Variants in SNAP47 observed in about 807,000 individuals in gnomAD.
SNAP47 encodes synaptosomal-associated protein 47.
SNAP47 carries 20 observed loss-of-function variants against 31.4 expected under a neutral mutation model. The ratio of observed to expected loss-of-function variants is 0.64; its 90% CI spans 0.45 to 0.93. The LOEUF is 0.93. SNAP47 is among the 40% of genes least tolerant of loss of function. SNAP47 has a pLI of 0.00. For missense variants in SNAP47, 492 were observed against 528.5 expected, an observed-to-expected ratio of 0.93 and a Z score of 0.68; for synonymous variants, 194 against 213.4, an observed-to-expected ratio of 0.91 and a Z score of 0.79.
intron 1 of SNAP47, among the ~76,000 whole-genome samples, chr1:227,739,077 G>A (rs150702686): frequency 2.0e-4 from 31 of 152,148 alleles, no homozygotes; most frequent in African/African-American, 7.2e-4. Context: ...GTGTCACCCA[G>A]AGCCCGCTAG....
At position 227,763,910 on chromosome 1, in the gene SNAP47, G is replaced by T. The variant is rs1663223607; in HGVS notation, c.989-3049G>T. ...GTGCAGGCAGCCCCTCCTCAGCACT[G>T]GCAGTGAAGACAGAGCTGTGTCTTG... On this transcript the variant is annotated intron_variant, in intron 3 of 4. Transcript: ENST00000617596. The surrounding 1 kb of genome is among the most constrained non-coding windows in gnomAD (Gnocchi z 4.2). Among the ~76,000 whole-genome samples the T allele has an allele frequency of 6.6e-6, 1 of 152,192 alleles. No individual in the cohort carries two copies. Among genetic ancestry groups the T allele is most frequent in the Admixed American group, 6.5e-5 (1 of 15,278 alleles).
intron 1 of SNAP47, among the ~76,000 whole-genome samples, chr1:227,738,648 A>G (rs1661394054): frequency 6.6e-6 from 1 of 152,090 alleles, no homozygotes; most frequent in Admixed American, 6.5e-5. Flanking sequence ...CTTGCCACAT[A>G]TTGTTCCTTA....
At chr1:227,735,247 G>T (rs556796845), upstream of SNAP47, 3 of 1,601,762 alleles carry the variant, frequency 1.9e-6, no homozygotes, top group East Asian at 2.3e-5. Flanking sequence ...AGTGGCTGTC[G>T]GCGAGGGCGC....
chr1:227,770,707 T>C (rs1663747492), intron 4 of SNAP47: 1 of 153,452 alleles, frequency 6.5e-6, no homozygotes, highest in Admixed American at 6.6e-5. Flanking sequence ...GGAAAAAACA[T>C]GTGTGTGTAC....
intron 4 of SNAP47, among the ~76,000 whole-genome samples, chr1:227,771,269 T>A (rs1371173297): frequency 2.0e-5 from 3 of 152,240 alleles, no homozygotes; most frequent in Non-Finnish European, 4.4e-5. Context: ...ATTTATGGCC[T>A]TGACAGCAGT....
upstream of SNAP47, chr1:227,730,380 C>G (rs1660563484): frequency 6.6e-6 from 1 of 152,074 alleles, no homozygotes; most frequent in Admixed American, 6.5e-5. Context: ...TAGCCACACT[C>G]TGCACAGCGG....
intron 4 of SNAP47, among the ~76,000 whole-genome samples, chr1:227,774,523 G>A (rs1664037239): frequency 6.6e-6 from 1 of 152,188 alleles, no homozygotes; most frequent in East Asian, 1.9e-4. Flanking sequence ...CCCTGTTCCT[G>A]TCCCCTCCAT....
Position 227,763,123 on chromosome 1 carries a change from ATT to A in SNAP47, c.988+3651_988+3652del. The stretch of plus-strand genomic sequence containing the variant: ...AGGCACATATCACCATGCCCAGCTA[ATT>A]TTTTTTTTTTTTAATTATGGGGTCT... On this transcript the variant is annotated intron_variant, in intron 3 of 4. Coordinates refer to ENST00000617596, the MANE Select transcript of SNAP47 (RefSeq NM_053052.4). This position sits in a 1 kb window ranked among gnomAD's most constrained non-coding sequence, Gnocchi z 4.2. Among the ~76,000 whole-genome samples the A allele has an allele frequency of 6.9e-6, 1 of 144,886 alleles. No individual in the cohort carries two copies.
chr1:227,760,687 G>C (rs887774970), intron 3 of SNAP47, among the ~76,000 whole-genome samples: 20 of 152,246 alleles, frequency 1.3e-4, no homozygotes, highest in Non-Finnish European at 2.8e-4. Flanking sequence ...TTGGTTAGGA[G>C]GTGGGGCCTC....
intron 4 of SNAP47, chr1:227,776,437 G>A: frequency 1.0e-6 from 1 of 986,226 alleles, no homozygotes. Context: ...CATGTAGCAG[G>A]GACTCAAGGA....
intron 1 of SNAP47, among the ~76,000 whole-genome samples, chr1:227,736,877 C>T (rs551028840): frequency 2.1e-4 from 32 of 151,708 alleles, no homozygotes; most frequent in Non-Finnish European, 4.4e-4. Flanking sequence ...CGGTAGTCCT[C>T]GAGACGGGCA....
At chr1:227,775,683 TG>T in intron 4 of SNAP47, 1 of 1,144,644 alleles carries the variant, frequency 8.7e-7, no homozygotes, top group Non-Finnish European at 1.2e-6. Flanking sequence ...GCTTTGTAGG[TG>T]GGCCCACCCT....
intron 4 of SNAP47, among the ~76,000 whole-genome samples, chr1:227,779,720 C>T (rs184573964): frequency 6.6e-6 from 1 of 152,306 alleles, no homozygotes; most frequent in Admixed American, 6.5e-5. Flanking sequence ...CAGTGTGGTT[C>T]ACCTTCCTAG....
intron 3 of SNAP47, among the ~76,000 whole-genome samples, chr1:227,760,224 A>G (rs1285573969): frequency 1.3e-5 from 2 of 152,174 alleles, no homozygotes; most frequent in African/African-American, 2.4e-5. Flanking sequence ...ATCTCCCCTC[A>G]TTTTGATGTG....
chr1:227,778,249 G>A (rs1664271917), intron 4 of SNAP47, among the ~76,000 whole-genome samples: 1 of 152,146 alleles, frequency 6.6e-6, no homozygotes. Flanking sequence ...GTTATTAACA[G>A]AAAAGACAAA....
At chr1:227,733,044 G>A (rs1016504689), upstream of SNAP47, 11 of 1,612,898 alleles carry the variant, frequency 6.8e-6, no homozygotes, top group Non-Finnish European at 9.3e-6. Flanking sequence ...GGGGCACAGT[G>A]CAGGCAGGCC....
At chr1:227,742,671 C>G (rs757819137) in intron 1 of SNAP47, among the ~76,000 whole-genome samples, 1 of 152,058 alleles carries the variant, frequency 6.6e-6, no homozygotes. Context: ...GGTGGTGAGG[C>G]GTGGTCCCTC....
In SNAP47 at chr1:227,763,674, C is replaced by T. The variant is rs896369649; in HGVS notation, c.989-3285C>T. On this transcript the variant is annotated intron_variant, in intron 3 of 4. Coordinates refer to ENST00000617596, the MANE Select transcript of SNAP47 (RefSeq NM_053052.4). This position sits in a 1 kb window ranked among gnomAD's most constrained non-coding sequence, Gnocchi z 4.2. Reference sequence around the variant, plus strand: ...GCCGCTCAGCCCCCACCTGCGCGTGCGTATTGGTTGAGTGGGAGATGGAGC... The same window carrying T: ...GCCGCTCAGCCCCCACCTGCGCGTGTGTATTGGTTGAGTGGGAGATGGAGC... Among the ~76,000 whole-genome samples, 19 of 152,168 alleles carry T rather than the reference C, an allele frequency of 1.2e-4. No individual in the cohort carries two copies. The highest frequency in any genetic ancestry group is 1.3e-4 in the Non-Finnish European group (9 of 68,026).
chr1:227,738,726 G>A (rs1661398118), intron 1 of SNAP47, among the ~76,000 whole-genome samples: 1 of 152,156 alleles, frequency 6.6e-6, no homozygotes, highest in Admixed American at 6.5e-5. Context: ...GGGAAGATGT[G>A]GGGAGCAGAG....
Sources: allele counts gnomAD v4.1 joint callset (sites outside exome capture counted in the v4.1 genomes callset), GRCh38; gene constraint gnomAD v4.1.1; non-coding constraint Gnocchi (gnomAD v3.1); transcripts MANE v1.5; gene names NCBI Gene and HGNC (gene_info 2026-07-23, HGNC 2026-07-21).